Variants in LONRF1 observed in about 807,000 individuals in gnomAD.
LONRF1 encodes LON peptidase N-terminal domain and RING finger protein 1.
LONRF1 carries 37 observed loss-of-function variants against 85.8 expected under a neutral mutation model. The ratio of observed to expected loss-of-function variants is 0.43; its 90% CI spans 0.33 to 0.57. The LOEUF (loss-of-function observed/expected upper bound fraction) is 0.57, where lower values mean the gene tolerates loss of function less well. Among genes scored for constraint, LONRF1 ranks in the 20% least tolerant of loss-of-function variants. The pLI, the probability that LONRF1 is intolerant of heterozygous loss-of-function variation, is 0.04. For synonymous variants in LONRF1, 517 were observed against 390.1 expected (o/e 1.33, Z -3.83); for missense variants, 1,036 against 978.0 (o/e 1.06, Z -0.79).
intron 8 of LONRF1, among the ~76,000 whole-genome samples, chr8:12,730,981 A>C (rs893049101): frequency 4.6e-5 from 7 of 152,368 alleles, no homozygotes; most frequent in African/African-American, 1.7e-4. Context: ...CAATTAAAAG[A>C]GAGTAAAAGA....
intron 4 of LONRF1, chr8:12,737,366 G>C (rs1403959284): frequency 1.5e-6 from 1 of 681,534 alleles, no homozygotes; most frequent in South Asian, 1.5e-5. Context: ...TCCAACTGGG[G>C]ATAGAAAATA....
At chr8:12,724,735 A>C (rs1806091215) in intron 11 of LONRF1, among the ~76,000 whole-genome samples, 1 of 152,210 alleles carries the variant, frequency 6.6e-6, no homozygotes, top group Non-Finnish European at 1.5e-5. Context: ...TATTGTTCTT[A>C]TCAAAGCCCA....
chr8:12,741,181 C>T (rs142625255), intron 2 of LONRF1, among the ~76,000 whole-genome samples, 185 bp from the exon 3 acceptor site: 7 of 152,052 alleles, frequency 4.6e-5, no homozygotes, highest in Non-Finnish European at 8.8e-5. Context: ...TTCAGGAGTT[C>T]GAGACCAGTC....
In LONRF1 at chr8:12,741,334, A is replaced by T. The variant is rs865773949; in HGVS notation, c.841-338T>A. On this transcript the variant is annotated intron_variant, in intron 2 of 11. Coordinates refer to ENST00000398246, the MANE Select transcript of LONRF1 (RefSeq NM_152271.5). ...GGGAGGTGGAGGTTGCAGTGAGCTG[A>T]GATCACACCAATGCACTCCAGCCTG... Among the ~76,000 whole-genome samples the T allele has an allele frequency of 2.0e-5, 3 of 152,318 alleles. No individual in the cohort carries two copies. In the South Asian group the frequency reaches 6.2e-4, roughly 32 times the overall value.
Position 12,725,719 on chromosome 8 carries a change from C to T in LONRF1, c.2163+8G>A. Reference sequence around the variant, plus strand: ...GTGACTTTTGGAAGAACAGAAAAGCCACCATACCTGAAGGTTTTCCTCCCT... The same window carrying T: ...GTGACTTTTGGAAGAACAGAAAAGCTACCATACCTGAAGGTTTTCCTCCCT... On this transcript the variant is annotated splice_region_variant and intron_variant, in intron 11 of 11. Coordinates refer to ENST00000398246, the MANE Select transcript of LONRF1 (RefSeq NM_152271.5). 1 of 1,604,868 alleles carries T rather than the reference C, an allele frequency of 6.2e-7. No individual in the cohort carries two copies. Among genetic ancestry groups the T allele is most frequent in the Non-Finnish European group, 8.5e-7 (1 of 1,173,074 alleles).
At chr8:12,742,224 C>T (rs1208352248) in intron 2 of LONRF1, among the ~76,000 whole-genome samples, 1 of 152,174 alleles carries the variant, frequency 6.6e-6, no homozygotes, top group East Asian at 1.9e-4. Context: ...CGTATCATTT[C>T]TCTAATTAAT....
intron 1 of LONRF1, among the ~76,000 whole-genome samples, chr8:12,748,046 A>C (rs1276704972): frequency 6.6e-6 from 1 of 152,220 alleles, no homozygotes; most frequent in African/African-American, 2.4e-5. Flanking sequence ...AAAATATCCT[A>C]CTATATATAC....
chr8:12,743,952 C>A (rs909566739), intron 1 of LONRF1, among the ~76,000 whole-genome samples: 1 of 152,118 alleles, frequency 6.6e-6, no homozygotes, highest in African/African-American at 2.4e-5. Context: ...ACTTAAGAAG[C>A]CAAATTATTA....
intron 4 of LONRF1, chr8:12,737,453 T>C (rs1434384117): frequency 2.1e-6 from 1 of 474,936 alleles, no homozygotes; most frequent in East Asian, 4.9e-5. Context: ...AACAACTATT[T>C]ACATAGTATT....
chr8:12,746,138 G>C (rs1328992685), intron 1 of LONRF1, among the ~76,000 whole-genome samples: 1 of 152,070 alleles, frequency 6.6e-6, no homozygotes, highest in Non-Finnish European at 1.5e-5. Flanking sequence ...CCTATCTCTA[G>C]TAATCCTGGG....
Position 12,728,890 on chromosome 8 carries a change from T to A in LONRF1, c.2010+11A>T, listed in dbSNP as rs1320646713. On this transcript the variant is annotated intron_variant, in intron 10 of 11. Coordinates refer to ENST00000398246, the MANE Select transcript of LONRF1 (RefSeq NM_152271.5). ...TACGAAAGTATGCTGGCAAAGCACA[T>A]TTTAAAATACCTTAACATCTTCCAG... The A allele has an allele frequency of 6.2e-7, 1 of 1,613,546 alleles. No homozygotes were observed. The highest frequency in any genetic ancestry group is 1.3e-5 in the African/African-American group (1 of 74,904).
At chr8:12,750,397 A>C (rs1267308820) in intron 1 of LONRF1, among the ~76,000 whole-genome samples, 1 of 152,224 alleles carries the variant, frequency 6.6e-6, no homozygotes, top group Non-Finnish European at 1.5e-5. Context: ...AGCCCTATAT[A>C]TACTATCATA....
chr8:12,750,611 T>C lies in LONRF1; in HGVS notation c.721+4089A>G, dbSNP rs187433917. 2.1e-3 allele frequency among the ~76,000 whole-genome samples: 327 copies of C among 152,338 alleles called. 1 individual carries two copies. Among genetic ancestry groups the C allele is most frequent in the African/African-American group, 7.6e-3 (314 of 41,570 alleles). On this transcript the variant is annotated intron_variant, in intron 1 of 11. Transcript: ENST00000398246. Reference sequence around the variant, plus strand: ...CTGTATTGTTTAAATTCAAATTTCTTCATTTTAACCTAGTTGAGTTACTAA... The same window carrying C: ...CTGTATTGTTTAAATTCAAATTTCTCCATTTTAACCTAGTTGAGTTACTAA...
Position 12,733,386 on chromosome 8 carries a change from T to C in LONRF1, c.1567-1529A>G, listed in dbSNP as rs572395498. On this transcript the variant is annotated intron_variant, in intron 7 of 11. Coordinates refer to ENST00000398246, the MANE Select transcript of LONRF1 (RefSeq NM_152271.5). ...ATTGGTTTTAAGGGCTTCATAAATA[T>C]ATGGCTTTTGATCCAATAATTCACC... Among the ~76,000 whole-genome samples the C allele has an allele frequency of 3.9e-5, 6 of 152,296 alleles. No individual in the cohort carries two copies. In the South Asian group the frequency reaches 6.2e-4, roughly 16 times the overall value.
intron 1 of LONRF1, chr8:12,754,140 C>G (rs1389031274): frequency 1.3e-5 from 2 of 152,216 alleles, no homozygotes; most frequent in Non-Finnish European, 2.9e-5. Flanking sequence ...ACAACGCCCC[C>G]CGCCCCCAGC....
rs377391589 is a variant in LONRF1, at chr8:12,735,414, A to G, written c.1452-14T>C. The G allele has an allele frequency of 2.6e-6, 4 of 1,516,540 alleles. No homozygotes were observed. The African/African-American group carries it at 4.1e-5, about 16-fold the overall frequency. The allele number at this position is 1,516,540 out of a possible 1,614,324, so 93.9% of individuals were successfully genotyped here. A position where few individuals can be genotyped will look rare whatever the true frequency, so the allele number is the denominator to read the frequency against. On this transcript the variant is annotated splice_polypyrimidine_tract_variant and intron_variant, in intron 6 of 11. Transcript: ENST00000398246. ...TCAAAAAACAACCTGAAATCAACCA[A>G]GATACATGTTAGTTTTCACATTAAA...
intron 3 of LONRF1, among the ~76,000 whole-genome samples, chr8:12,739,013 T>C (rs192089985): frequency 3.8e-4 from 58 of 152,290 alleles, no homozygotes; most frequent in African/African-American, 2.6e-4. Flanking sequence ...GGTGCTCAAA[T>C]ACTCCATTTA....
chr8:12,737,310 GCA>G, intron 4 of LONRF1, 170 bp from the exon 5 acceptor site: 1 of 837,170 alleles, frequency 1.2e-6, no homozygotes. Context: ...ATTTTTGCCA[GCA>G]CAGTTGGCCC....
chr8:12,746,054 C>T (rs1465943608), intron 1 of LONRF1, among the ~76,000 whole-genome samples: 1 of 152,188 alleles, frequency 6.6e-6, no homozygotes, highest in African/African-American at 2.4e-5. Context: ...ATTGACACCA[C>T]TAACTTCCCA....
Sources: gnomAD v4.1 joint callset for allele counts (sites outside exome capture counted in the v4.1 genomes callset) on GRCh38, gnomAD v4.1.1 for gene constraint, MANE v1.5 for transcripts, NCBI Gene and HGNC (gene_info 2026-07-23, HGNC 2026-07-21) for gene names.